The following GLRA3 variants were observed in gnomAD, a reference collection of about 807,000 sequenced individuals.
GLRA3 encodes glycine receptor alpha 3.
A neutral mutation model predicts 60.4 loss-of-function variants in GLRA3; 44 were observed. The observed-to-expected ratio is 0.73, with a 90% confidence interval of 0.57 to 0.94. The LOEUF is 0.94. Among genes scored for constraint, GLRA3 ranks in the 40% least tolerant of loss-of-function variants. The probability of loss-of-function intolerance (pLI) is 0.00; values close to 1 mark genes in which losing one functional copy is unlikely to be tolerated. For synonymous variants in GLRA3, 223 were observed against 192.9 expected (o/e 1.16, Z -1.29); for missense variants, 508 against 564.6 (o/e 0.90, Z 1.02).
intron 3 of GLRA3, among the ~76,000 whole-genome samples, chr4:174,754,162 G>A (rs1390697807): frequency 6.6e-6 from 1 of 152,110 alleles, no homozygotes; most frequent in Non-Finnish European, 1.5e-5. Flanking sequence ...ATGATTATAA[G>A]GATGACTTGG....
At chr4:174,706,766 G>A (rs954935085) in intron 5 of GLRA3, among the ~76,000 whole-genome samples, 1 of 94,890 alleles carries the variant, frequency 1.1e-5, no homozygotes, top group African/African-American at 3.3e-5. Flanking sequence ...AATCTCAAAG[G>A]GGTGATAAAG....
At chr4:174,663,800 A>C (rs1297098795) in intron 7 of GLRA3, among the ~76,000 whole-genome samples, 1 of 152,166 alleles carries the variant, frequency 6.6e-6, no homozygotes, top group East Asian at 1.9e-4. Flanking sequence ...CTCCCCATGG[A>C]TTCAGAGTCA....
At chr4:174,803,912 A>G (rs1435326922) in intron 1 of GLRA3, among the ~76,000 whole-genome samples, 1 of 152,186 alleles carries the variant, frequency 6.6e-6, no homozygotes, top group Non-Finnish European at 1.5e-5. Flanking sequence ...GAGGTTCAAA[A>G]TCACTTTGCA....
At chr4:174,663,499 A>G (rs770086285) in intron 7 of GLRA3, among the ~76,000 whole-genome samples, 2 of 152,200 alleles carry the variant, frequency 1.3e-5, no homozygotes, top group Non-Finnish European at 2.9e-5. Context: ...AATTAATTCA[A>G]TGAGTGTTTT....
intron 2 of GLRA3, among the ~76,000 whole-genome samples, chr4:174,779,256 G>A: frequency 6.6e-6 from 1 of 152,118 alleles, no homozygotes; most frequent in Non-Finnish European, 1.5e-5. Context: ...TGAGGGTCCT[G>A]TCTGTTAGAA....
intron 4 of GLRA3, among the ~76,000 whole-genome samples, chr4:174,717,652 C>A (rs1421065676): frequency 6.6e-6 from 1 of 152,172 alleles, no homozygotes; most frequent in Non-Finnish European, 1.5e-5. Flanking sequence ...GAGTCCATAA[C>A]ACACTAGAAT....
chr4:174,784,282 A>G (rs560575586), intron 2 of GLRA3, among the ~76,000 whole-genome samples: 1,373 of 123,174 alleles, frequency 0.011, 15 homozygotes, highest in Middle Eastern at 0.092. Context: ...TCACATGGAC[A>G]CAGGAAGGGG....
At chr4:174,714,695 T>C (rs975641970) in intron 5 of GLRA3, among the ~76,000 whole-genome samples, 7 of 152,208 alleles carry the variant, frequency 4.6e-5, no homozygotes, top group African/African-American at 1.4e-4. Flanking sequence ...AGTCCTTTTA[T>C]TCCCCCTCGG....
At chr4:174,773,255 C>T (rs73868081) in intron 2 of GLRA3, among the ~76,000 whole-genome samples, 8,295 of 151,602 alleles carry the variant, frequency 0.055, 277 homozygotes, top group African/African-American at 0.077. Context: ...TAGGCATAGT[C>T]CTTAAAAGCA....
intron 5 of GLRA3, among the ~76,000 whole-genome samples, chr4:174,707,219 TC>T (rs1735551210): frequency 6.6e-6 from 1 of 152,232 alleles, no homozygotes. Context: ...TTCAGTCCTG[TC>T]CTTCTGGGAG....
At chr4:174,782,166 T>C (rs373012907) in intron 2 of GLRA3, among the ~76,000 whole-genome samples, 27 of 144,650 alleles carry the variant, frequency 1.9e-4, no homozygotes, top group African/African-American at 6.5e-4. Context: ...GTTCAATATA[T>C]GCAAATCAAT....
At chr4:174,765,200 G>T (rs1261373336) in intron 3 of GLRA3, among the ~76,000 whole-genome samples, 1 of 152,050 alleles carries the variant, frequency 6.6e-6, no homozygotes, top group Non-Finnish European at 1.5e-5. Flanking sequence ...AATTGTTAAG[G>T]TAAGAAATTT....
At chr4:174,818,174 C>G (rs1179000006) in intron 1 of GLRA3, among the ~76,000 whole-genome samples, 1 of 152,058 alleles carries the variant, frequency 6.6e-6, no homozygotes, top group East Asian at 1.9e-4. Context: ...ACATGGCATA[C>G]AAGTGAATGA....
At chr4:174,820,902 T>C (rs949238590) in intron 1 of GLRA3, among the ~76,000 whole-genome samples, 3 of 150,508 alleles carry the variant, frequency 2.0e-5, no homozygotes, top group Non-Finnish European at 4.4e-5. Context: ...CTGACAATCA[T>C]TTTTTTTTTA....
chr4:174,651,468 T>A (rs947197962), intron 9 of GLRA3, among the ~76,000 whole-genome samples: 1 of 152,180 alleles, frequency 6.6e-6, no homozygotes, highest in Admixed American at 6.6e-5. Context: ...ATTATATTAT[T>A]CATATTTTGA....
intron 4 of GLRA3, chr4:174,722,521 G>A (rs889536556): frequency 6.6e-6 from 1 of 152,146 alleles, no homozygotes; most frequent in African/African-American, 2.4e-5. Flanking sequence ...GTCTAAGTCA[G>A]TTTTCAGAAG....
intron 6 of GLRA3, among the ~76,000 whole-genome samples, chr4:174,679,390 G>A (rs1170617734): frequency 6.6e-6 from 1 of 151,988 alleles, no homozygotes; most frequent in Non-Finnish European, 1.5e-5. Context: ...TTATCAAAAA[G>A]GCAGAAAATA....
chr4:174,723,988 A>G (rs915718390), intron 4 of GLRA3, among the ~76,000 whole-genome samples: 3 of 151,624 alleles, frequency 2.0e-5, no homozygotes, highest in Admixed American at 6.6e-5. Flanking sequence ...GGTTCGTCTA[A>G]ACTTCTTCTA....
At chr4:174,792,630 T>C (rs1002716014) in intron 1 of GLRA3, among the ~76,000 whole-genome samples, 2 of 152,206 alleles carry the variant, frequency 1.3e-5, no homozygotes, top group Non-Finnish European at 2.9e-5. Context: ...TTTAACATTT[T>C]TGTTAAGTAT....
Sources: allele counts gnomAD v4.1 joint callset (sites outside exome capture counted in the v4.1 genomes callset), GRCh38; gene constraint gnomAD v4.1.1; transcripts MANE v1.5; gene names NCBI Gene and HGNC (gene_info 2026-07-23, HGNC 2026-07-21).